Variants in MBNL2 observed in about 807,000 individuals in gnomAD.
MBNL2 encodes muscleblind-like protein 2.
A neutral mutation model predicts 41.9 loss-of-function variants in MBNL2; 17 were observed. The ratio of observed to expected loss-of-function variants is 0.41; its 90% CI spans 0.28 to 0.61. The LOEUF is 0.61. MBNL2 is among the 20% of genes least tolerant of loss of function. The pLI, the probability that MBNL2 is intolerant of heterozygous loss-of-function variation, is 0.35. For synonymous variants in MBNL2, 195 were observed against 182.9 expected (o/e 1.07, Z -0.53); for missense variants, 336 against 505.6 (o/e 0.66, Z 3.22).
At chr13:97,228,740 G>C (rs1369257361) in intron 1 of MBNL2, among the ~76,000 whole-genome samples, 3 of 151,774 alleles carry the variant, frequency 2.0e-5, no homozygotes, top group African/African-American at 7.3e-5. Context: ...ATATTGGCCA[G>C]GGTAGTCTCG....
the MBNL2 span, among the ~76,000 whole-genome samples, chr13:97,161,220 A>G: frequency 6.6e-6 from 1 of 152,168 alleles, no homozygotes; most frequent in Non-Finnish European, 1.5e-5. Context: ...ATTGAGAGGA[A>G]ATTCAATCCC....
intron 7 of MBNL2, among the ~76,000 whole-genome samples, chr13:97,364,363 A>C (rs1241589665): frequency 6.6e-6 from 1 of 152,134 alleles, no homozygotes; most frequent in Non-Finnish European, 1.5e-5. Context: ...CCAACTCTGC[A>C]CTATTTTGCT....
chr13:97,368,992 A>G (rs1005824970), intron 8 of MBNL2, among the ~76,000 whole-genome samples: 1 of 144,974 alleles, frequency 6.9e-6, no homozygotes, highest in Non-Finnish European at 1.6e-5. Flanking sequence ...GCTGGATTGC[A>G]CTTAAATGAT....
intron 2 of MBNL2, among the ~76,000 whole-genome samples, chr13:97,280,526 G>A (rs150903633): frequency 2.5e-3 from 384 of 152,248 alleles, no homozygotes; most frequent in African/African-American, 9.0e-3. Context: ...CAAGTACAGC[G>A]AGATCCTTTT....
chr13:97,178,057 C>A, the MBNL2 span, among the ~76,000 whole-genome samples: 1 of 152,082 alleles, frequency 6.6e-6, no homozygotes, highest in Non-Finnish European at 1.5e-5. Context: ...CAGAATAAAT[C>A]AACAAATAAA....
chr13:97,264,078 T>G (rs1054350649), intron 1 of MBNL2, among the ~76,000 whole-genome samples: 2 of 150,772 alleles, frequency 1.3e-5, no homozygotes, highest in Non-Finnish European at 3.0e-5. Flanking sequence ...TGATGCAATC[T>G]CGACTCACTG....
intron 8 of MBNL2, among the ~76,000 whole-genome samples, chr13:97,374,610 C>T (rs2064788110): frequency 6.6e-6 from 1 of 151,744 alleles, no homozygotes; most frequent in South Asian, 2.1e-4. Flanking sequence ...CCAGGCTGGT[C>T]TCAAACTCCT....
intron 1 of MBNL2, among the ~76,000 whole-genome samples, chr13:97,263,512 T>A (rs1186047596): frequency 3.9e-5 from 6 of 152,170 alleles, no homozygotes; most frequent in African/African-American, 1.4e-4. Context: ...TTTAAAAAAA[T>A]TGTCCAAATG....
the MBNL2 span, among the ~76,000 whole-genome samples, chr13:97,156,249 T>C: frequency 5.4e-5 from 7 of 130,150 alleles, no homozygotes; most frequent in Non-Finnish European, 1.1e-4. Context: ...GGGTTGTTTG[T>C]TTTTTTCTTG....
rs1268406377 is a variant in MBNL2 at position 97,366,103 on chromosome 13, C to T, written c.1048+932C>T. Among the ~76,000 whole-genome samples, 3 of 152,146 alleles carry T rather than the reference C, an allele frequency of 2.0e-5. No homozygotes were observed. The highest frequency in any genetic ancestry group is 7.2e-5 in the African/African-American group (3 of 41,430). ...CATATTCTTACTTCACTGGACATCA[C>T]CTTTCACAATTTTAGAAACAACCAT... On this transcript the variant is annotated intron_variant, in intron 8 of 8. Transcript: ENST00000679496. This position sits in a 1 kb window ranked among gnomAD's most constrained non-coding sequence, Gnocchi z 4.7.
rs2066465479 is a variant in MBNL2 at position 97,394,087 on chromosome 13, A to T, written c.*2638A>T. The T allele has an allele frequency of 6.6e-6, 1 of 152,610 alleles. No individual in the cohort carries two copies. Among genetic ancestry groups the T allele is most frequent in the South Asian group, 2.1e-4 (1 of 4,828 alleles). The allele number at this position is 152,610 out of a possible 1,614,324, so 9.5% of individuals were successfully genotyped here. ...AATATTCAGTTCACTCACCCAATGT[A>T]CAACCAATGAAATAAAAGAAGCATT... On this transcript the variant is annotated 3_prime_UTR_variant, in exon 9 of 9. Transcript: ENST00000679496.
upstream of MBNL2, chr13:97,221,414 T>G (rs1279144914): frequency 1.3e-5 from 2 of 150,338 alleles, no homozygotes; most frequent in Non-Finnish European, 3.0e-5. Context: ...TCCTAAACTT[T>G]CTCTTCTTCT....
In MBNL2 at chr13:97,346,689, A is replaced by T; in HGVS notation, c.541-115A>T. ...TAATCAATCTTTTCTTGTCAGTGGT[A>T]CATGAGCCACCATTGAAAGCGAGGC... is the stretch of plus-strand genomic sequence containing the variant. On this transcript the variant is annotated intron_variant, in intron 4 of 8. Transcript: ENST00000679496. This position sits in a 1 kb window ranked among gnomAD's most constrained non-coding sequence, Gnocchi z 4.2. 2.7e-6 allele frequency: 2 copies of T among 727,786 alleles called. No homozygotes were observed. The highest frequency in any genetic ancestry group is 4.6e-6 in the Non-Finnish European group (2 of 438,550). The allele number at this position is 727,786 out of a possible 1,614,324, so 45.1% of individuals were successfully genotyped here.
the MBNL2 span, among the ~76,000 whole-genome samples, chr13:97,181,095 C>CT: frequency 2.0e-5 from 3 of 149,712 alleles, no homozygotes; most frequent in South Asian, 2.1e-4. Flanking sequence ...CTCTCTCTCT[C>CT]CCCCCCACCT....
intron 4 of MBNL2, among the ~76,000 whole-genome samples, chr13:97,343,540 G>C (rs1459704532): frequency 6.8e-6 from 1 of 147,852 alleles, no homozygotes; most frequent in Non-Finnish European, 1.5e-5. Flanking sequence ...GGTCCTGAAG[G>C]CCTCCTCATG....
the MBNL2 span, among the ~76,000 whole-genome samples, chr13:97,146,103 G>A: frequency 6.6e-6 from 1 of 151,374 alleles, no homozygotes; most frequent in African/African-American, 2.4e-5. Context: ...CAATTATTCT[G>A]CCTCAGCCTC....
intron 1 of MBNL2, among the ~76,000 whole-genome samples, chr13:97,241,857 G>C (rs1032277098): frequency 6.6e-6 from 1 of 152,190 alleles, no homozygotes; most frequent in Non-Finnish European, 1.5e-5. Flanking sequence ...AGTGGGCCTT[G>C]TGTTGAGCTT....
intron 8 of MBNL2, among the ~76,000 whole-genome samples, chr13:97,387,296 G>A (rs1264209112): frequency 6.6e-6 from 1 of 152,094 alleles, no homozygotes; most frequent in East Asian, 1.9e-4. Context: ...GGTGCGGTAG[G>A]GTGTTCTGAT....
chr13:97,181,215 C>T, the MBNL2 span, among the ~76,000 whole-genome samples: 1 of 152,146 alleles, frequency 6.6e-6, no homozygotes, highest in Non-Finnish European at 1.5e-5. Context: ...CCAGAACAAT[C>T]TCCCCATCTG....
Sources: allele counts gnomAD v4.1 joint callset (sites outside exome capture counted in the v4.1 genomes callset), GRCh38; gene constraint gnomAD v4.1.1; non-coding constraint Gnocchi (gnomAD v3.1); transcripts MANE v1.5; gene names NCBI Gene and HGNC (gene_info 2026-07-23, HGNC 2026-07-21).